The following PLB1 variants were observed in gnomAD, a reference collection of about 807,000 sequenced individuals.
PLB1 encodes phospholipase B1, membrane-associated.
In PLB1, 242 loss-of-function variants were observed where a neutral mutation model predicts 227.4. That is an observed-to-expected ratio of 1.06 (90% CI 0.96 to 1.18). PLB1 has a LOEUF of 1.18. Among genes scored for constraint, PLB1 ranks in the 50% most tolerant of loss-of-function variants. The probability of loss-of-function intolerance (pLI) is 0.00; values close to 1 mark genes in which losing one functional copy is unlikely to be tolerated. For missense variants in PLB1, 1,858 were observed against 1,816.3 expected, an observed-to-expected ratio of 1.02 and a Z score of -0.42; for synonymous variants, 757 against 682.2, an observed-to-expected ratio of 1.11 and a Z score of -1.71.
At chr2:28,611,114 G>A (rs1685396529) in intron 43 of PLB1, among the ~76,000 whole-genome samples, 1 of 152,122 alleles carries the variant, frequency 6.6e-6, no homozygotes, top group Admixed American at 6.5e-5. Context: ...AGAAAAGAAG[G>A]GGAGGGGGAG....
intron 18 of PLB1, among the ~76,000 whole-genome samples, chr2:28,564,744 C>T (rs534877819): frequency 1.1e-4 from 16 of 152,272 alleles, no homozygotes; most frequent in African/African-American, 3.8e-4. Context: ...CTCAGCATGC[C>T]CTTCAAAATG....
chr2:28,609,330 T>A (rs2148311562), intron 43 of PLB1, among the ~76,000 whole-genome samples: 1 of 152,266 alleles, frequency 6.6e-6, no homozygotes, highest in African/African-American at 2.4e-5. Flanking sequence ...AATCTGTGTC[T>A]TCATTTCTCC....
At chr2:28,567,932 T>C (rs1259717607) in intron 20 of PLB1, among the ~76,000 whole-genome samples, 2 of 152,218 alleles carry the variant, frequency 1.3e-5, no homozygotes, top group Admixed American at 6.5e-5. Flanking sequence ...GGAATTTAAC[T>C]GGTCCCATTT....
intron 15 of PLB1, among the ~76,000 whole-genome samples, chr2:28,549,267 G>A (rs1441715726): frequency 6.6e-6 from 1 of 152,152 alleles, no homozygotes; most frequent in South Asian, 2.1e-4. Context: ...GCAAAGAAGG[G>A]AGGGATGGTG....
intron 21 of PLB1, among the ~76,000 whole-genome samples, chr2:28,577,230 C>G (rs1026811239): frequency 2.0e-5 from 3 of 152,204 alleles, no homozygotes; most frequent in Non-Finnish European, 4.4e-5. Flanking sequence ...TGTCTGGCAC[C>G]AGCAGTGGTT....
chr2:28,627,678 G>A (rs6729040), intron 51 of PLB1, among the ~76,000 whole-genome samples: 1 of 151,894 alleles, frequency 6.6e-6, no homozygotes, highest in Non-Finnish European at 1.5e-5. Context: ...GAACAGCACT[G>A]GTCCTATGCC....
At chr2:28,554,751 T>C (rs1298395548) in intron 17 of PLB1, among the ~76,000 whole-genome samples, 1 of 152,156 alleles carries the variant, frequency 6.6e-6, no homozygotes, top group Non-Finnish European at 1.5e-5. Flanking sequence ...GTTTCTGTCA[T>C]GAAAGTGATA....
At chr2:28,594,099 C>G (rs751584416) in intron 33 of PLB1, 1 of 591,914 alleles carries the variant, frequency 1.7e-6, no homozygotes, top group African/African-American at 1.8e-5. Context: ...CGTGGTGTTC[C>G]TACGTCTCTG....
At chr2:28,555,863 CTTT>C (rs57277349) in intron 17 of PLB1, among the ~76,000 whole-genome samples, 2 of 128,162 alleles carry the variant, frequency 1.6e-5, no homozygotes, top group East Asian at 2.2e-4. Flanking sequence ...AGTTACTTTC[CTTT>C]TTTTTTTTTT....
At chr2:28,569,086 G>C (rs1677559817) in intron 20 of PLB1, among the ~76,000 whole-genome samples, 1 of 152,272 alleles carries the variant, frequency 6.6e-6, no homozygotes, top group East Asian at 1.9e-4. Flanking sequence ...CAGTCCATCT[G>C]TGCTGAGTAA....
intron 44 of PLB1, among the ~76,000 whole-genome samples, chr2:28,615,825 G>T (rs1247423228): frequency 1.3e-5 from 2 of 152,200 alleles, no homozygotes; most frequent in Non-Finnish European, 2.9e-5. Context: ...TGCTTTTGCT[G>T]CTGGAAGAGC....
intron 28 of PLB1, 71 bp downstream of exon 28, chr2:28,589,841 C>T: frequency 6.8e-7 from 1 of 1,474,484 alleles, no homozygotes; most frequent in Middle Eastern, 1.7e-4. Flanking sequence ...CTTTGGAGGA[C>T]CTCGGAGGCC....
At chr2:28,635,203 G>T (rs13024654) in intron 56 of PLB1, among the ~76,000 whole-genome samples, 45,516 of 152,052 alleles carry the variant, frequency 0.3, 7,183 homozygotes, top group Non-Finnish European at 0.36. Context: ...ATAATTTGGG[G>T]AAATAATTAT....
intron 49 of PLB1, among the ~76,000 whole-genome samples, chr2:28,623,003 TC>T (rs1273171810): frequency 3.9e-5 from 6 of 152,078 alleles, no homozygotes; most frequent in African/African-American, 1.5e-4. Context: ...GAAATAACTT[TC>T]TGAAAAAGAC....
At chr2:28,546,333 G>A (rs1350770730) in intron 14 of PLB1, among the ~76,000 whole-genome samples, 3 of 128,248 alleles carry the variant, frequency 2.3e-5, no homozygotes, top group African/African-American at 5.8e-5. Context: ...ACCTTATGCC[G>A]AGTCTACACC....
chr2:28,529,814 G>C, intron 8 of PLB1, 35 bp downstream of exon 8: 1 of 1,607,656 alleles, frequency 6.2e-7, no homozygotes, highest in Non-Finnish European at 8.5e-7. Context: ...TGGCTGGGCT[G>C]CCTGGCTTTG....
intron 4 of PLB1, among the ~76,000 whole-genome samples, chr2:28,524,308 T>G (rs1166976590): frequency 1.3e-5 from 2 of 152,182 alleles, no homozygotes; most frequent in East Asian, 3.8e-4. Flanking sequence ...TTGCTAAGTA[T>G]TTTATATGTC....
chr2:28,544,736 A>T (rs930694982), intron 14 of PLB1, among the ~76,000 whole-genome samples: 8 of 152,276 alleles, frequency 5.3e-5, no homozygotes, highest in African/African-American at 1.9e-4. Flanking sequence ...AATGTGTTGG[A>T]GGAGGTCACG....
At position 28,632,137 on chromosome 2, in the gene PLB1, C is replaced by T. The variant is rs748807819; in HGVS notation, c.3999C>T (p.Asn1333=). ...TCCAAAACACACTCACCCCACTGAA[C>T]GAGGTGAGCTGCAGGTATTTTAGGG... ...PFFQNTLTPL[N]ERGDTDLTFF... The change falls in exon 55 of 58, where the codon AAC becomes AAT. Residue 1333 remains asparagine, a synonymous_variant. Transcript: ENST00000327757. 37 of 1,611,214 alleles carry T rather than the reference C, an allele frequency of 2.3e-5. No individual in the cohort carries two copies. The highest frequency in any genetic ancestry group is 3.0e-5 in the Non-Finnish European group (35 of 1,177,484).
Sources: gnomAD v4.1 joint callset for allele counts (sites outside exome capture counted in the v4.1 genomes callset) on GRCh38, gnomAD v4.1.1 for gene constraint, MANE v1.5 for transcripts, NCBI Gene and HGNC (gene_info 2026-07-23, HGNC 2026-07-21) for gene names.